The following VPS35L variants were observed in gnomAD, a reference collection of about 807,000 sequenced individuals.
VPS35L encodes VPS35 endosomal protein-sorting factor-like.
VPS35L carries 83 observed loss-of-function variants against 133.0 expected under a neutral mutation model. That is an observed-to-expected ratio of 0.62 (90% confidence interval 0.52 to 0.75). VPS35L has a LOEUF of 0.75. Among genes scored for constraint, VPS35L ranks in the 30% least tolerant of loss-of-function variants. The pLI, the probability that VPS35L is intolerant of heterozygous loss-of-function variation, is 0.00. For synonymous variants in VPS35L, 423 were observed against 449.9 expected (o/e 0.94, Z 0.76); for missense variants, 1,083 against 1,206.8 (o/e 0.90, Z 1.52).
chr16:19,643,530 A>G (rs1973849400), intron 22 of VPS35L, among the ~76,000 whole-genome samples: 1 of 152,134 alleles, frequency 6.6e-6, no homozygotes, highest in South Asian at 2.1e-4. Context: ...GCCTGTGGGC[A>G]TTGGGGAACA....
intron 29 of VPS35L, among the ~76,000 whole-genome samples, chr16:19,696,517 T>C (rs1975917873): frequency 6.6e-6 from 1 of 152,168 alleles, no homozygotes; most frequent in Non-Finnish European, 1.5e-5. Flanking sequence ...CTGGGAACCA[T>C]GCCAAACCCC....
intron 9 of VPS35L, among the ~76,000 whole-genome samples, chr16:19,604,892 A>G (rs1006532474): frequency 1.3e-5 from 2 of 152,190 alleles, no homozygotes; most frequent in African/African-American, 2.4e-5. Context: ...TTTTTTCCCA[A>G]CAGTTCTTAA....
intron 12 of VPS35L, among the ~76,000 whole-genome samples, chr16:19,612,318 A>G (rs1242588530): frequency 6.6e-6 from 1 of 151,850 alleles, no homozygotes; most frequent in Non-Finnish European, 1.5e-5. Flanking sequence ...CAGTGGTGCA[A>G]TCTCAGCTCA....
chr16:19,631,770 G>A (rs1328645262), intron 18 of VPS35L, among the ~76,000 whole-genome samples: 3 of 152,096 alleles, frequency 2.0e-5, no homozygotes, highest in African/African-American at 7.2e-5. Context: ...GTCCAGTGGT[G>A]CAATCGTCAC....
intron 1 of VPS35L, among the ~76,000 whole-genome samples, chr16:19,564,353 T>C (rs1173985465): frequency 1.3e-5 from 2 of 152,110 alleles, no homozygotes; most frequent in Non-Finnish European, 2.9e-5. Context: ...GCTGGAATTA[T>C]AGGCATGAGC....
At position 19,594,655 on chromosome 16, in the gene VPS35L, AAAAAAAAAAAAAAAAAG is replaced by A. The variant is rs1158483102; in HGVS notation, c.724+2784_724+2800del. 4.8e-4 allele frequency among the ~76,000 whole-genome samples: 72 copies of A among 149,444 alleles called. 1 individual carries two copies. Among genetic ancestry groups the A allele is most frequent in the Middle Eastern group, 3.5e-3 (1 of 282 alleles). On this transcript the variant is annotated intron_variant, in intron 8 of 30. Coordinates refer to ENST00000417362, the MANE Select transcript of VPS35L (RefSeq NM_020314.7). Reference sequence around the variant, plus strand: ...CTGAGATTTCGTCTCAAAAAAAAAAAAAAAAAAAAAAAAAAAGAAGAGAAAAAAAATCCTCGCCTTTG... The same window carrying A: ...CTGAGATTTCGTCTCAAAAAAAAAAAAAGAGAAAAAAAATCCTCGCCTTTG...
chr16:19,696,657 TTGAATA>T (rs569665233), intron 29 of VPS35L, among the ~76,000 whole-genome samples: 267 of 152,242 alleles, frequency 1.8e-3, no homozygotes, highest in African/African-American at 6.2e-3. Flanking sequence ...TTCTCGGTGT[TTGAATA>T]TATCAGCTGG....
chr16:19,672,660 G>A (rs775534666), intron 27 of VPS35L, among the ~76,000 whole-genome samples: 3 of 152,088 alleles, frequency 2.0e-5, no homozygotes, highest in Non-Finnish European at 4.4e-5. Context: ...GAGGATAGGC[G>A]GCACCCCAAG....
At chr16:19,576,847 T>C (rs1971555634) in intron 5 of VPS35L, among the ~76,000 whole-genome samples, 1 of 151,990 alleles carries the variant, frequency 6.6e-6, no homozygotes, top group African/African-American at 2.4e-5. Context: ...ACTGGGACTA[T>C]AGGTGTGCAC....
intron 2 of VPS35L, among the ~76,000 whole-genome samples, chr16:19,566,170 G>A (rs896308072): frequency 5.9e-5 from 9 of 152,042 alleles, no homozygotes; most frequent in East Asian, 1.9e-4. Flanking sequence ...CCACAGTTGC[G>A]TTCATTCTCA....
At chr16:19,601,603 T>C (rs1679244427) in intron 8 of VPS35L, 61 bp from the exon 9 acceptor site, 2 of 1,527,170 alleles carry the variant, frequency 1.3e-6, no homozygotes, top group African/African-American at 1.4e-5. Context: ...TTAACAAACA[T>C]TTATTTACTG....
Position 19,637,378 on chromosome 16 carries a change from T to C in VPS35L, c.1636-216T>C, listed in dbSNP as rs912121059. On this transcript the variant is annotated intron_variant, in intron 19 of 30. Coordinates refer to ENST00000417362, the MANE Select transcript of VPS35L (RefSeq NM_020314.7). ...CTATGAAGTAGGATGTACAGAGTCA[T>C]TGGGCAAACTCAGCTTGAGACAGAG... Among the ~76,000 whole-genome samples, 14 of 152,266 alleles carry C rather than the reference T, an allele frequency of 9.2e-5. 1 individual carries two copies. The highest frequency in any genetic ancestry group is 3.4e-4 in the African/African-American group (14 of 41,556).
In VPS35L at chr16:19,618,745, C is replaced by T. The variant is rs185229575; in HGVS notation, c.1224+1937C>T. The stretch of plus-strand genomic sequence containing the variant: ...TATTAATGATTCCTATTTTCTAGTC[C>T]GTTGCAAGAATCAAAGAAGTCACTG... On this transcript the variant is annotated intron_variant, in intron 14 of 30. Coordinates refer to ENST00000417362, the MANE Select transcript of VPS35L (RefSeq NM_020314.7). 5.3e-5 allele frequency among the ~76,000 whole-genome samples: 8 copies of T among 152,086 alleles called. No individual in the cohort carries two copies. The East Asian group carries it at 9.7e-4, about 18-fold the overall frequency.
intron 26 of VPS35L, among the ~76,000 whole-genome samples, chr16:19,664,351 T>A (rs1457369974): frequency 6.6e-6 from 1 of 151,854 alleles, no homozygotes; most frequent in Non-Finnish European, 1.5e-5. Flanking sequence ...CTGTGTTTGC[T>A]CTCTGCCCAG....
chr16:19,650,408 A>G lies in VPS35L; in HGVS notation c.2055A>G (p.Thr685=), dbSNP rs1193501263. ...GTGTGAACCGGTTGGCAATGGAGACAAGAAAAGTAATGAAAGGAAATCATT... is the reference window on the plus strand; with the variant it reads ...GTGTGAACCGGTTGGCAATGGAGACGAGAAAAGTAATGAAAGGAAATCATT... ...IHSVNRLAME[T]RKVMKGNHSR... The change falls in exon 25 of 31, where the codon ACA becomes ACG. Residue 685 remains threonine, a synonymous_variant. Transcript: ENST00000417362. 1 of 1,613,692 alleles carries G rather than the reference A, an allele frequency of 6.2e-7. No homozygotes were observed. Among genetic ancestry groups the G allele is most frequent in the Non-Finnish European group, 8.5e-7 (1 of 1,179,618 alleles).
At chr16:19,587,725 A>G (rs1275238197) in intron 7 of VPS35L, among the ~76,000 whole-genome samples, 1 of 152,040 alleles carries the variant, frequency 6.6e-6, no homozygotes, top group Non-Finnish European at 1.5e-5. Context: ...CATAAATGTA[A>G]GAGTTTATTT....
rs778584023 is a variant in VPS35L at position 19,691,380 on chromosome 16, G to GA, written c.2556dup (p.Asp853ArgfsTer13). The GA allele has an allele frequency of 6.2e-7, 1 of 1,613,854 alleles. No homozygotes were observed. The highest frequency in any genetic ancestry group is 1.1e-5 in the South Asian group (1 of 91,072). On this transcript the variant is annotated frameshift_variant, in exon 29 of 31. Transcript: ENST00000417362. LOFTEE classifies it high-confidence loss of function. ...GACTCCAACGACAGCCTCTACGGGG[G>GA]AGACTCCAAGTTCCTGGCAGAAAAC...
At chr16:19,601,841 T>A in intron 9 of VPS35L, 118 bp downstream of exon 9, 1 of 976,134 alleles carries the variant, frequency 1.0e-6, no homozygotes, top group Non-Finnish European at 1.5e-6. Flanking sequence ...TGTGTTAAAG[T>A]AAAAGAAACA....
At chr16:19,581,502 C>T (rs1351011894) in intron 6 of VPS35L, 23 bp from the exon 7 acceptor site, 5 of 1,545,208 alleles carry the variant, frequency 3.2e-6, no homozygotes, top group Admixed American at 2.0e-5. Context: ...GCTATGCCTT[C>T]ACCTTCTGCC....
Sources: allele counts gnomAD v4.1 joint callset (sites outside exome capture counted in the v4.1 genomes callset), GRCh38; gene constraint gnomAD v4.1.1; transcripts MANE v1.5; gene names NCBI Gene and HGNC (gene_info 2026-07-23, HGNC 2026-07-21).